Variants in JADE2 observed in about 807,000 individuals in gnomAD.
JADE2 encodes the protein E3 ubiquitin-protein ligase Jade-2.
A neutral mutation model predicts 85.7 loss-of-function variants in JADE2; 13 were observed. The observed-to-expected ratio is 0.15, with a 90% CI of 0.10 to 0.24. The LOEUF (loss-of-function observed/expected upper bound fraction) is 0.24, where lower values mean the gene tolerates loss of function less well. Among genes scored for constraint, JADE2 ranks in the 10% least tolerant of loss-of-function variants. The probability of loss-of-function intolerance (pLI) is 1.00; values close to 1 mark genes in which losing one functional copy is unlikely to be tolerated. For synonymous variants in JADE2, 440 were observed against 456.1 expected, an observed-to-expected ratio of 0.96 and a Z score of 0.45; for missense variants, 846 against 1,115.9, an observed-to-expected ratio of 0.76 and a Z score of 3.45.
At chr5:134,537,918 C>G (rs1761698863) in intron 2 of JADE2, 71 bp from the exon 3 acceptor site, 1 of 1,139,358 alleles carries the variant, frequency 8.8e-7, no homozygotes, top group South Asian at 1.3e-5. Context: ...TAGAAGCTTC[C>G]TATTCTTGGG....
intron 3 of JADE2, among the ~76,000 whole-genome samples, chr5:134,542,661 C>T (rs35465548): frequency 6.6e-6 from 1 of 151,932 alleles, no homozygotes; most frequent in Admixed American, 6.6e-5. Flanking sequence ...AGGGTGGTCT[C>T]GAACTCCCAA....
At chr5:134,563,249 CAG>C (rs1763435593) in intron 7 of JADE2, among the ~76,000 whole-genome samples, 1 of 150,480 alleles carries the variant, frequency 6.6e-6, no homozygotes, top group South Asian at 2.1e-4. Context: ...ACCCGAGAGA[CAG>C]AGATTGCAGT....
intron 1 of JADE2, chr5:134,533,529 T>C (rs1012759506): frequency 2.0e-6 from 2 of 985,308 alleles, no homozygotes; most frequent in South Asian, 9.4e-5. Flanking sequence ...GGCTCGGAAG[T>C]ACCTTCTTTG....
chr5:134,566,298 C>T lies in JADE2; in HGVS notation c.1152C>T (p.Gly384=), dbSNP rs375321931. 8.1e-6 allele frequency: 13 copies of T among 1,614,146 alleles called. No homozygotes were observed. Among genetic ancestry groups the T allele is most frequent in the Non-Finnish European group, 1.0e-5 (12 of 1,180,034 alleles). ...AGCCCACGGAACCCAGCCAGGCTGGCGAGGACCTGGAAAAGGTGACCCTGC... is the reference window on the plus strand; with the variant it reads ...AGCCCACGGAACCCAGCCAGGCTGGTGAGGACCTGGAAAAGGTGACCCTGC... ...TSEPTEPSQA[G]EDLEKVTLRK... The change falls in exon 9 of 12, where the codon GGC becomes GGT. Residue 384 remains glycine, a synonymous_variant. Transcript: ENST00000681547. The surrounding 1 kb of genome is among the most constrained non-coding windows in gnomAD (Gnocchi z 6.7).
rs1762632293 is a variant in JADE2 at position 134,552,171 on chromosome 5, G to T, written c.273G>T (p.Val91=). The change falls in exon 4 of 12, where the codon GTG becomes GTT. Residue 91 remains valine, a synonymous_variant. Coordinates refer to ENST00000681547, the MANE Select transcript of JADE2 (RefSeq NM_001388185.1). ...WRQEWEKGVQ[V]PAGAEAIPEP... is the part of the protein sequence containing the mutation. ...AGGAATGGGAGAAAGGTGTGCAGGT[G>T]CCTGCCGGGGCAGAGGCCATCCCAG... The T allele has an allele frequency of 6.2e-7, 1 of 1,614,188 alleles. No individual in the cohort carries two copies. Among genetic ancestry groups the T allele is most frequent in the Non-Finnish European group, 8.5e-7 (1 of 1,180,032 alleles).
intron 9 of JADE2, among the ~76,000 whole-genome samples, chr5:134,571,466 A>G (rs1408423032): frequency 1.3e-5 from 2 of 152,206 alleles, no homozygotes; most frequent in African/African-American, 4.8e-5. Context: ...TGGGAGGCCA[A>G]GGTGGGCGGA....
chr5:134,569,514 A>G (rs776022832), intron 9 of JADE2, among the ~76,000 whole-genome samples: 2 of 152,212 alleles, frequency 1.3e-5, no homozygotes, highest in Non-Finnish European at 2.9e-5. Context: ...CAAAAATCGC[A>G]GCACTGTTGA....
At chr5:134,529,207 T>G (rs1581385456) in intron 1 of JADE2, among the ~76,000 whole-genome samples, 1 of 152,216 alleles carries the variant, frequency 6.6e-6, no homozygotes, top group African/African-American at 2.4e-5. Context: ...GTTCTCCCTT[T>G]AGGTTCTCTG....
intron 3 of JADE2, among the ~76,000 whole-genome samples, chr5:134,542,737 T>G (rs1174550741): frequency 6.6e-6 from 1 of 151,470 alleles, no homozygotes; most frequent in Non-Finnish European, 1.5e-5. Context: ...CCACCATGCC[T>G]GGCCTTTTTT....
chr5:134,547,341 A>G (rs1028994038), intron 3 of JADE2, among the ~76,000 whole-genome samples: 1 of 152,378 alleles, frequency 6.6e-6, no homozygotes, highest in Middle Eastern at 3.4e-3. Context: ...TGAAGAAGCT[A>G]CAATTAACAT....
At chr5:134,538,198 G>A (rs1007536082) in intron 3 of JADE2, 115 bp downstream of exon 3, 7 of 752,980 alleles carry the variant, frequency 9.3e-6, no homozygotes, top group Admixed American at 2.4e-5. Context: ...GGAGGCCAGC[G>A]TGGCCGAGTG....
intron 3 of JADE2, among the ~76,000 whole-genome samples, chr5:134,547,243 C>G (rs1200166247): frequency 6.6e-6 from 1 of 152,184 alleles, no homozygotes; most frequent in South Asian, 2.1e-4. Flanking sequence ...GACTCTTTAG[C>G]CCCCTCCAGG....
intron 1 of JADE2, chr5:134,526,836 G>T: frequency 1.2e-6 from 1 of 869,496 alleles, no homozygotes; most frequent in Non-Finnish European, 1.4e-6. Flanking sequence ...CCGGGGCCGC[G>T]CGGTAGTCCA....
chr5:134,553,958 G>A (rs971205870), intron 4 of JADE2, among the ~76,000 whole-genome samples: 1 of 152,172 alleles, frequency 6.6e-6, no homozygotes, highest in African/African-American at 2.4e-5. Context: ...ATGTCTCAGG[G>A]CAGAGGGGTC....
chr5:134,548,760 A>G (rs1762440030), intron 3 of JADE2, among the ~76,000 whole-genome samples: 1 of 152,124 alleles, frequency 6.6e-6, no homozygotes, highest in African/African-American at 2.4e-5. Flanking sequence ...ACATCTTACC[A>G]GCTGGTGTGG....
chr5:134,571,696 C>T (rs1246131081), intron 9 of JADE2, among the ~76,000 whole-genome samples: 2 of 152,060 alleles, frequency 1.3e-5, no homozygotes, highest in Non-Finnish European at 2.9e-5. Flanking sequence ...GACCCCGTCT[C>T]GAAAGAAAAA....
In JADE2 at chr5:134,579,052, A is replaced by T; in HGVS notation, c.2240A>T (p.Lys747Met). 1 of 1,614,004 alleles carries T rather than the reference A, an allele frequency of 6.2e-7. No individual in the cohort carries two copies. Among genetic ancestry groups the T allele is most frequent in the Non-Finnish European group, 8.5e-7 (1 of 1,180,012 alleles). Residue 747 changes from lysine (K) to methionine (M), a missense_variant, in exon 12 of 12, where the codon AAG becomes ATG. Physicochemically the swap from Lys to Met is moderately conservative, Grantham distance 95 (BLOSUM62 -1). Around this residue, in one of 9 missense-constraint regions of JADE2, gnomAD observed 300 missense variants for 300.7 expected, o/e 1.00. Transcript: ENST00000681547. This position sits in a 1 kb window ranked among gnomAD's most constrained non-coding sequence, Gnocchi z 4.6. ...GTGCCTGGCCCTGCAGCAAGCCCTAAGCCTTTGGGCCGGCTCCGGCCACCC... is the reference window on the plus strand; with the variant it reads ...GTGCCTGGCCCTGCAGCAAGCCCTATGCCTTTGGGCCGGCTCCGGCCACCC... ...VQVPGPAASPKPLGRLRPPRE... is the reference protein window; with the variant it reads ...VQVPGPAASPMPLGRLRPPRE...
At chr5:134,560,035 A>C (rs1028913843) in intron 5 of JADE2, 45 bp downstream of exon 5, 5 of 1,608,890 alleles carry the variant, frequency 3.1e-6, no homozygotes, top group Non-Finnish European at 4.2e-6. Context: ...CTGGGCAGGG[A>C]GGGTTTTCTC....
chr5:134,528,386 C>G (rs886411479), intron 1 of JADE2, among the ~76,000 whole-genome samples: 1 of 152,156 alleles, frequency 6.6e-6, no homozygotes, highest in Non-Finnish European at 1.5e-5. Flanking sequence ...CTTGTCCCAT[C>G]TTCCTTAGAC....
Sources: gnomAD v4.1 joint callset for allele counts (sites outside exome capture counted in the v4.1 genomes callset) on GRCh38, gnomAD v4.1.1 for gene constraint, gnomAD v4.1.1 regional missense constraint, Gnocchi (gnomAD v3.1) non-coding constraint, MANE v1.5 for transcripts, NCBI Gene and HGNC (gene_info 2026-07-23, HGNC 2026-07-21) for gene names.